The following ST18 variants were observed in gnomAD, a reference collection of about 807,000 sequenced individuals.
The protein encoded by ST18 is ST18 C2H2C-type zinc finger transcription factor.
Under a neutral mutation model 110.0 loss-of-function variants are expected in ST18, and 50 were observed. That is an observed-to-expected ratio of 0.45 (90% CI 0.36 to 0.58). ST18 has a LOEUF of 0.58. ST18 is among the 20% of genes least tolerant of loss of function. ST18 has a pLI of 0.00. For synonymous variants in ST18, 461 were observed against 452.4 expected, an observed-to-expected ratio of 1.02 and a Z score of -0.24; for missense variants, 1,306 against 1,280.1, an observed-to-expected ratio of 1.02 and a Z score of -0.31.
chr8:52,160,042 T>C (rs941951141), intron 14 of ST18, among the ~76,000 whole-genome samples: 14 of 152,168 alleles, frequency 9.2e-5, no homozygotes, highest in African/African-American at 3.4e-4. Flanking sequence ...TTTCTATAAT[T>C]ACAAGAATAT....
At chr8:52,384,175 T>G (rs1440327082) in intron 2 of ST18, among the ~76,000 whole-genome samples, 1 of 152,148 alleles carries the variant, frequency 6.6e-6, no homozygotes, top group African/African-American at 2.4e-5. Flanking sequence ...TAGCCAAAAT[T>G]ACAACCTATT....
At chr8:52,338,621 G>C (rs1220927245) in intron 2 of ST18, among the ~76,000 whole-genome samples, 2 of 147,798 alleles carry the variant, frequency 1.4e-5, no homozygotes, top group East Asian at 4.1e-4. Context: ...ACAGGGTTTT[G>C]CCATGTTGCC....
intron 8 of ST18, among the ~76,000 whole-genome samples, chr8:52,191,961 G>A (rs2074647514): frequency 6.6e-6 from 1 of 152,094 alleles, no homozygotes; most frequent in African/African-American, 2.4e-5. Flanking sequence ...ATGACAACAG[G>A]CACTGAAGGG....
intron 2 of ST18, among the ~76,000 whole-genome samples, chr8:52,330,219 G>A (rs1033111565): frequency 2.0e-5 from 3 of 152,088 alleles, no homozygotes; most frequent in African/African-American, 4.8e-5. Flanking sequence ...AATGTCCTGA[G>A]GAACCAGGTG....
chr8:52,310,280 G>C (rs1225030320), intron 2 of ST18, among the ~76,000 whole-genome samples: 1 of 152,196 alleles, frequency 6.6e-6, no homozygotes. Context: ...AGGACTCTGT[G>C]TAGTGTCTGT....
At chr8:52,196,642 C>T (rs1322551512) in intron 8 of ST18, among the ~76,000 whole-genome samples, 1 of 152,082 alleles carries the variant, frequency 6.6e-6, no homozygotes, top group Non-Finnish European at 1.5e-5. Context: ...TATAACTGTT[C>T]TATTTTATTA....
intron 2 of ST18, among the ~76,000 whole-genome samples, chr8:52,285,869 T>C (rs1264985866): frequency 1.3e-5 from 2 of 152,242 alleles, no homozygotes; most frequent in Admixed American, 6.5e-5. Context: ...CTCTTTGCCT[T>C]ATAGTTCTTC....
At chr8:52,255,822 T>A (rs7842486) in intron 2 of ST18, among the ~76,000 whole-genome samples, 2 of 152,050 alleles carry the variant, frequency 1.3e-5, no homozygotes, top group Non-Finnish European at 2.9e-5. Context: ...CAGACACTGT[T>A]CAAGGCTCTC....
At chr8:52,401,251 TTCTC>T (rs1842737328) in intron 2 of ST18, among the ~76,000 whole-genome samples, 1 of 152,194 alleles carries the variant, frequency 6.6e-6, no homozygotes, top group Non-Finnish European at 1.5e-5. Context: ...GCTTTTTAAA[TTCTC>T]TCTGTGTCTT....
At chr8:52,352,105 C>T (rs113902572) in intron 2 of ST18, among the ~76,000 whole-genome samples, 1,791 of 152,252 alleles carry the variant, frequency 0.012, 43 homozygotes, top group African/African-American at 0.041. Context: ...AAAGTGTAGT[C>T]GATTTGGCAT....
rs2048906856 is a variant in ST18, at chr8:52,130,147, G to GAAAGA, written c.2666+1806_2666+1810dup. ...AGAAAGAAAGAAAGAAAGAAAGAAA[G>GAAAGA]AAAGAAAGAAAGAAAGAAAAAGAAA... is the stretch of plus-strand genomic sequence containing the variant. On this transcript the variant is annotated intron_variant, in intron 22 of 25. Coordinates refer to ENST00000689386, the MANE Select transcript of ST18 (RefSeq NM_001352837.2). 2.7e-5 allele frequency among the ~76,000 whole-genome samples: 4 copies of GAAAGA among 150,438 alleles called. No homozygotes were observed. In the Admixed American group the frequency reaches 2.7e-4, roughly 10 times the overall value.
At chr8:52,203,195 G>C (rs1274830211) in intron 8 of ST18, among the ~76,000 whole-genome samples, 1 of 152,118 alleles carries the variant, frequency 6.6e-6, no homozygotes, top group Non-Finnish European at 1.5e-5. Context: ...AGGGGGTAGG[G>C]GGAACCATGA....
At chr8:52,406,755 G>C (rs1161858411) in intron 2 of ST18, 1 of 152,146 alleles carries the variant, frequency 6.6e-6, no homozygotes, top group East Asian at 1.9e-4. Flanking sequence ...ACTCATACAG[G>C]GAAGGGAAGT....
At chr8:52,188,849 A>G (rs1588060342) in intron 8 of ST18, among the ~76,000 whole-genome samples, 1 of 152,182 alleles carries the variant, frequency 6.6e-6, no homozygotes, top group East Asian at 1.9e-4. Flanking sequence ...AATGCCTACA[A>G]GGTTTTTCTC....
At chr8:52,234,627 G>A (rs2092306992) in intron 2 of ST18, among the ~76,000 whole-genome samples, 1 of 151,952 alleles carries the variant, frequency 6.6e-6, no homozygotes, top group Non-Finnish European at 1.5e-5. Context: ...ATATGAAAAA[G>A]ATACTTGCAC....
In ST18 at chr8:52,172,420, T is replaced by C; in HGVS notation, c.441A>G (p.Glu147=). 6.2e-7 allele frequency: 1 copy of C among 1,614,046 alleles called. No individual in the cohort carries two copies. Among genetic ancestry groups the C allele is most frequent in the Non-Finnish European group, 8.5e-7 (1 of 1,180,038 alleles). ...ACTGGATGCCACTGTCATTTAAATTTTCACTTACAGTCTGAACAGATACAT... is the reference window on the plus strand; with the variant it reads ...ACTGGATGCCACTGTCATTTAAATTCTCACTTACAGTCTGAACAGATACAT... ...EKNVSVQTVS[E]NLNDSGIQSL... The change falls in exon 10 of 26, where the codon GAA becomes GAG. Residue 147 remains glutamate, a synonymous_variant. Transcript: ENST00000689386.
At chr8:52,235,954 T>C (rs2092597192) in intron 2 of ST18, among the ~76,000 whole-genome samples, 1 of 152,162 alleles carries the variant, frequency 6.6e-6, no homozygotes, top group Non-Finnish European at 1.5e-5. Context: ...TGGGTAGTTC[T>C]GAAAATACCA....
In ST18 at chr8:52,171,882, G is replaced by C. The variant is rs2065089682; in HGVS notation, c.979C>G (p.Leu327Val). 1.2e-6 allele frequency: 2 copies of C among 1,614,058 alleles called. No homozygotes were observed. Among genetic ancestry groups the C allele is most frequent in the South Asian group, 2.2e-5 (2 of 91,082 alleles). Residue 327 changes from leucine (L) to valine (V), a missense_variant, in exon 10 of 26, where the codon CTG becomes GTG. By Grantham distance (32) the Leu-to-Val change is conservative (BLOSUM62 1). Coordinates refer to ENST00000689386, the MANE Select transcript of ST18 (RefSeq NM_001352837.2). Reference protein sequence around the residue: ...GCVFHNTYKELDRFLLEHLAG... With the variant: ...GCVFHNTYKEVDRFLLEHLAG... ...AGGTGCTCCAGCAGGAACCTATCCA[G>C]CTCTTTGTAGGTGTTATGGAAAACA...
intron 8 of ST18, among the ~76,000 whole-genome samples, chr8:52,189,730 C>T (rs1292168297): frequency 1.3e-5 from 2 of 152,158 alleles, no homozygotes; most frequent in Non-Finnish European, 2.9e-5. Context: ...GAGTTGATAC[C>T]TAGGGACTGA....
Sources: gnomAD v4.1 joint callset for allele counts (sites outside exome capture counted in the v4.1 genomes callset) on GRCh38, gnomAD v4.1.1 for gene constraint, MANE v1.5 for transcripts, NCBI Gene and HGNC (gene_info 2026-07-23, HGNC 2026-07-21) for gene names.